Variants in C22orf42 observed in about 807,000 individuals in gnomAD.
The protein encoded by C22orf42 is chromosome 22 open reading frame 42.
Under a neutral mutation model 31.4 loss-of-function variants are expected in C22orf42, and 24 were observed. The observed-to-expected ratio is 0.77, with a 90% CI of 0.55 to 1.08. The LOEUF (loss-of-function observed/expected upper bound fraction) is 1.08. Ranked by LOEUF, C22orf42 falls within the 50% of genes least tolerant of loss-of-function variation. C22orf42 has a pLI of 0.00. For missense variants in C22orf42, 276 were observed against 327.3 expected, an observed-to-expected ratio of 0.84 and a Z score of 1.21; for synonymous variants, 96 against 112.7, an observed-to-expected ratio of 0.85 and a Z score of 0.94.
intron 2 of C22orf42, among the ~76,000 whole-genome samples, chr22:32,153,079 G>T (rs1262105106): frequency 2.8e-4 from 42 of 151,240 alleles, no homozygotes; most frequent in Non-Finnish European, 5.9e-5. Flanking sequence ...TAATTATTAA[G>T]TGTGCATTTT....
Position 32,150,996 on chromosome 22 carries a change from GT to G in C22orf42, c.488del (p.Asp163AlafsTer20). 6.2e-7 allele frequency: 1 copy of G among 1,612,136 alleles called. No individual in the cohort carries two copies. The highest frequency in any genetic ancestry group is 8.5e-7 in the Non-Finnish European group (1 of 1,179,016). On this transcript the variant is annotated frameshift_variant, in exon 6 of 9. Coordinates refer to ENST00000382097, the MANE Select transcript of C22orf42 (RefSeq NM_001010859.3). LOFTEE classifies it high-confidence loss of function. Reference protein sequence around the residue: ...SDIEISEAKHDHHLVEDLSES... With the variant: ...SDIEISEAKHXHHLVEDLSES... ...TGTTTAAAAAAAAATACGTACGGTG[GT>G]CGTGCTTGGCCTCAGATATTTCCTG...
chr22:32,151,813 G>T (rs567201278), intron 4 of C22orf42, among the ~76,000 whole-genome samples: 2 of 152,302 alleles, frequency 1.3e-5, no homozygotes, highest in African/African-American at 4.8e-5. Flanking sequence ...AACACAGAAA[G>T]GCGCTGTACT....
intron 5 of C22orf42, 79 bp downstream of exon 5, chr22:32,151,408 A>T (rs2149511344): frequency 7.0e-7 from 1 of 1,428,096 alleles, no homozygotes; most frequent in Non-Finnish European, 9.9e-7. Flanking sequence ...GGCAGTCAAA[A>T]ATGATATTCA....
rs2094108085 is a variant in C22orf42 at position 32,149,440 on chromosome 22, G to A, written c.*100C>T. The A allele has an allele frequency of 6.8e-6, 9 of 1,325,864 alleles. No homozygotes were observed. Among genetic ancestry groups the A allele is most frequent in the South Asian group, 1.8e-5 (1 of 54,272 alleles). The allele number at this position is 1,325,864 out of a possible 1,614,324, so 82.1% of individuals were successfully genotyped here. A position where few individuals can be genotyped will look rare whatever the true frequency, so the allele number is the denominator to read the frequency against. ...CAGGTGCTCAGTAGGAAGAGAGAGA[G>A]GCTTGTGATTTTTTTTTCACCCAGA... On this transcript the variant is annotated 3_prime_UTR_variant, in exon 9 of 9. Coordinates refer to ENST00000382097, the MANE Select transcript of C22orf42 (RefSeq NM_001010859.3).
At position 32,149,743 on chromosome 22, in the gene C22orf42, A is replaced by G. The variant is rs1416128094; in HGVS notation, c.682+10T>C. 2 of 1,385,178 alleles carry G rather than the reference A, an allele frequency of 1.4e-6. No individual in the cohort carries two copies. Among genetic ancestry groups the G allele is most frequent in the South Asian group, 1.7e-5 (1 of 57,994 alleles). The allele number at this position is 1,385,178 out of a possible 1,614,324, so 85.8% of individuals were successfully genotyped here. On this transcript the variant is annotated intron_variant, in intron 8 of 8. Transcript: ENST00000382097. ...TATATCTATATATATCTAGATATAT[A>G]TATACTTACAGAGGTAATCTTCATA...
At position 32,159,299 on chromosome 22, in the gene C22orf42, C is replaced by T. The variant is rs557701595; in HGVS notation, c.-84G>A. ...TCCTCCTCCTTCTACGGCCAGCTAC[C>T]GACTGAAGGCTGCTGGCCCTGGCCG... On this transcript the variant is annotated 5_prime_UTR_variant, in exon 1 of 9. Coordinates refer to ENST00000382097, the MANE Select transcript of C22orf42 (RefSeq NM_001010859.3). 48 of 1,544,412 alleles carry T rather than the reference C, an allele frequency of 3.1e-5. No homozygotes were observed. The highest frequency in any genetic ancestry group is 3.0e-4 in the Admixed American group (16 of 52,614).
At chr22:32,157,438 C>T (rs1921325955) in intron 1 of C22orf42, among the ~76,000 whole-genome samples, 1 of 151,540 alleles carries the variant, frequency 6.6e-6, no homozygotes, top group Non-Finnish European at 1.5e-5. Flanking sequence ...ATATTCATTT[C>T]ACTCTGCTGC....
At position 32,149,559 on chromosome 22, in the gene C22orf42, A is replaced by G; in HGVS notation, c.737T>C (p.Leu246Pro). The G allele has an allele frequency of 6.5e-7, 1 of 1,536,876 alleles. No individual in the cohort carries two copies. Among genetic ancestry groups the G allele is most frequent in the South Asian group, 1.2e-5 (1 of 81,986 alleles). Residue 246 changes from leucine to proline, a missense_variant, in exon 9 of 9, where the codon CTA becomes CCA. By Grantham distance (98) the Leu-to-Pro change is moderately conservative. Coordinates refer to ENST00000382097, the MANE Select transcript of C22orf42 (RefSeq NM_001010859.3). ...RLNEPISSQV[L>P]GLLRL ...GGAACACTAAAGCCGGAGAAGTCCT[A>G]GAACCTGGCTGCTGATGGGTTCATT...
intron 1 of C22orf42, among the ~76,000 whole-genome samples, chr22:32,156,557 G>GT (rs542353890): frequency 0.012 from 1,611 of 133,270 alleles, 40 homozygotes; most frequent in African/African-American, 0.045. Flanking sequence ...CCCCAGCGTT[G>GT]TTTTTTTGTT....
In C22orf42 at chr22:32,155,669, TATATC is replaced by T. The variant is rs1379968073; in HGVS notation, c.233-1356_233-1352del. 6.6e-5 allele frequency among the ~76,000 whole-genome samples: 10 copies of T among 152,038 alleles called. No individual in the cohort carries two copies. In the East Asian group the frequency reaches 1.3e-3, roughly 21 times the overall value. ...ACCATGACTGAGCTGTGACATTTGA[TATATC>T]ATAGTATATTTTTATCCATTTATAG... On this transcript the variant is annotated intron_variant, in intron 1 of 8. Transcript: ENST00000382097.
intron 2 of C22orf42, among the ~76,000 whole-genome samples, chr22:32,153,520 A>G (rs561979543): frequency 3.1e-4 from 48 of 152,384 alleles, no homozygotes; most frequent in African/African-American, 1.1e-3. Flanking sequence ...CAGGAGAAAT[A>G]GATCATCTGA....
Position 32,152,772 on chromosome 22 carries a change from G to A in C22orf42, c.308-146C>T. On this transcript the variant is annotated intron_variant, in intron 2 of 8. Transcript: ENST00000382097. ...GAGCTGCTGCTGGACCATTCTCCTT[G>A]GTGTTGAGGGAAGGCAAAGGAGAGG... The A allele has an allele frequency of 8.0e-6, 6 of 747,528 alleles. No homozygotes were observed. In the South Asian group the frequency reaches 9.3e-5, roughly 12 times the overall value. 46.3% of individuals were successfully genotyped at this position (747,528 alleles called of 1,614,324 possible). A position where few individuals can be genotyped will look rare whatever the true frequency, so the allele number is the denominator to read the frequency against.
In C22orf42 at chr22:32,159,247, G is replaced by T. The variant is rs1254566017; in HGVS notation, c.-32C>A. The T allele has an allele frequency of 1.2e-6, 2 of 1,607,292 alleles. No individual in the cohort carries two copies. The highest frequency in any genetic ancestry group is 2.2e-5 in the South Asian group (2 of 90,978). On this transcript the variant is annotated 5_prime_UTR_variant, in exon 1 of 9. Transcript: ENST00000382097. Reference sequence around the variant, plus strand: ...CCTAAACACACAAAAAAGTCCAAGAGGCACAAGGACAGAATGTAGTCGGAG... The same window carrying T: ...CCTAAACACACAAAAAAGTCCAAGATGCACAAGGACAGAATGTAGTCGGAG...
intron 4 of C22orf42, 73 bp from the exon 5 acceptor site, chr22:32,151,624 G>A (rs1390076287): frequency 2.6e-5 from 39 of 1,474,516 alleles, no homozygotes; most frequent in Admixed American, 2.2e-4. Context: ...TGGGGGATGT[G>A]GACCGGGGCT....
At chr22:32,151,373 A>C (rs530373188) in intron 5 of C22orf42, 114 bp downstream of exon 5, 1 of 1,096,104 alleles carries the variant, frequency 9.1e-7, no homozygotes, top group East Asian at 2.4e-5. Context: ...GCTAGAGTCC[A>C]TGACACTGAG....
intron 8 of C22orf42, 37 bp from the exon 9 acceptor site, chr22:32,149,650 A>AAAATATAT: frequency 8.4e-7 from 1 of 1,191,284 alleles, no homozygotes; most frequent in Non-Finnish European, 1.1e-6. Context: ...TCAAAAAAAA[A>AAAATATAT]ATATATATAT....
At position 32,152,561 on chromosome 22, in the gene C22orf42, C is replaced by G. The variant is rs1464285762; in HGVS notation, c.372+1G>C. 6.9e-6 allele frequency: 11 copies of G among 1,603,636 alleles called. No homozygotes were observed. Among genetic ancestry groups the G allele is most frequent in the Non-Finnish European group, 9.4e-6 (11 of 1,171,398 alleles). On this transcript the variant is annotated splice_donor_variant, in intron 3 of 8. Coordinates refer to ENST00000382097, the MANE Select transcript of C22orf42 (RefSeq NM_001010859.3). LOFTEE classifies it high-confidence loss of function. ...CTTCCAGAGAAAGAAATACATCTTA[C>G]AATATCTGATGTCATATTCTCCTCC...
rs2094109216 is a variant in C22orf42 at position 32,149,745 on chromosome 22, A to G, written c.682+8T>C. 7.2e-7 allele frequency: 1 copy of G among 1,395,182 alleles called. No individual in the cohort carries two copies. Among genetic ancestry groups the G allele is most frequent in the South Asian group, 1.7e-5 (1 of 58,936 alleles). 86.4% of individuals were successfully genotyped at this position (1,395,182 alleles called of 1,614,324 possible). On this transcript the variant is annotated splice_region_variant and intron_variant, in intron 8 of 8. Transcript: ENST00000382097. ...TATCTATATATATCTAGATATATATATACTTACAGAGGTAATCTTCATATC... is the reference window on the plus strand; with the variant it reads ...TATCTATATATATCTAGATATATATGTACTTACAGAGGTAATCTTCATATC...
intron 4 of C22orf42, 137 bp downstream of exon 4, chr22:32,151,930 G>T (rs901818955): frequency 4.7e-6 from 4 of 856,634 alleles, no homozygotes; most frequent in Non-Finnish European, 7.4e-6. Flanking sequence ...GAATAAAGAG[G>T]TTCTAAGATT....
Sources: allele counts gnomAD v4.1 joint callset (sites outside exome capture counted in the v4.1 genomes callset), GRCh38; gene constraint gnomAD v4.1.1; transcripts MANE v1.5; gene names NCBI Gene and HGNC (gene_info 2026-07-23, HGNC 2026-07-21).